NCOR2: variants seen among roughly 807,000 people sequenced by gnomAD.
The protein encoded by NCOR2 is nuclear receptor corepressor 2.
Under a neutral mutation model 262.9 loss-of-function variants are expected in NCOR2, and 81 were observed. The ratio of observed to expected loss-of-function variants is 0.31; its 90% CI spans 0.26 to 0.37. The LOEUF (loss-of-function observed/expected upper bound fraction) is 0.37. Among genes scored for constraint, NCOR2 ranks in the 10% least tolerant of loss-of-function variants. The probability of loss-of-function intolerance (pLI) is 1.00; values close to 1 mark genes in which losing one functional copy is unlikely to be tolerated. For missense variants in NCOR2, 3,385 were observed against 3,621.4 expected (o/e 0.93, Z 1.68); for synonymous variants, 1,659 against 1,559.3 (o/e 1.06, Z -1.51).
At chr12:124,388,965 A>G (rs1018488354) in intron 16 of NCOR2, 1 of 730,264 alleles carries the variant, frequency 1.4e-6, no homozygotes, top group African/African-American at 1.9e-5. Flanking sequence ...GCTCCTCACA[A>G]GTCCGCCTGC....
In NCOR2 at chr12:124,374,547, G is replaced by T. The variant is rs116068010; in HGVS notation, c.2168-84C>A. 6.8e-4 allele frequency: 899 copies of T among 1,330,720 alleles called. 7 individuals carry two copies. The African/African-American group carries it at 0.012, about 17-fold the overall frequency. The allele number at this position is 1,330,720 out of a possible 1,614,324, so 82.4% of individuals were successfully genotyped here. On this transcript the variant is annotated intron_variant, in intron 18 of 46. Coordinates refer to ENST00000405201, the Ensembl canonical transcript of NCOR2. ...GGAGGAGGCAACGTGGCCAAGAGGG[G>T]CCTGAAGCCCAGTGCACAGCAGTGA...
rs61934020 is a variant in NCOR2, at chr12:124,339,717, C to T, written c.5687+289G>A. Among the ~76,000 whole-genome samples, 16 of 56,876 alleles carry T rather than the reference C, an allele frequency of 2.8e-4. 1 individual carries two copies. The highest frequency in any genetic ancestry group is 6.3e-4 in the Admixed American group (3 of 4,768). 37.3% of individuals were successfully genotyped at this position (56,876 alleles called of 152,430 possible). Reference sequence around the variant, plus strand: ...CATCCACCCATCCAACCAGCTAACCCAGCCATCTATCTTTCCACTGACCCA... The same window carrying T: ...CATCCACCCATCCAACCAGCTAACCTAGCCATCTATCTTTCCACTGACCCA... On this transcript the variant is annotated intron_variant, in intron 37 of 46. Coordinates refer to ENST00000405201, the Ensembl canonical transcript of NCOR2.
At chr12:124,340,084 T>C (rs2036325058) in exon 37 of NCOR2, 1 of 1,612,906 alleles carries the variant, frequency 6.2e-7, no homozygotes, top group African/African-American at 1.3e-5. Context: ...ACTGGGTCTC[T>C]GCTGGAGGGC....
chr12:124,496,112 G>T (rs145277061), upstream of NCOR2, among the ~76,000 whole-genome samples: 1 of 152,092 alleles, frequency 6.6e-6, no homozygotes, highest in African/African-American at 2.4e-5. This position sits in a 1 kb window ranked among gnomAD's most constrained non-coding sequence, Gnocchi z 4.4. Flanking sequence ...GGAATAACAC[G>T]AAGCGGGCTA....
rs200579534 is a variant in NCOR2 at position 124,438,559 on chromosome 12, CG to C, written c.816-564del. On this transcript the variant is annotated intron_variant, in intron 7 of 46. Coordinates refer to ENST00000405201, the Ensembl canonical transcript of NCOR2. ...GCATGGACTTCAGGAAACCCCCGGG[CG>C]GGGGCGGTCTCAGACTTCAGGGCAG... Among the ~76,000 whole-genome samples, 29 of 151,394 alleles carry C rather than the reference CG, an allele frequency of 1.9e-4. No homozygotes were observed. The East Asian group carries it at 4.3e-3, about 22-fold the overall frequency.
chr12:124,533,545 C>T (rs941834401), intron 1 of NCOR2, among the ~76,000 whole-genome samples: 14 of 152,080 alleles, frequency 9.2e-5, no homozygotes, highest in African/African-American at 3.4e-4. Context: ...ACCCGCTAAG[C>T]GTCGCACTTA....
chr12:124,397,016 GGGCC>G (rs1483037039), intron 16 of NCOR2, among the ~76,000 whole-genome samples: 3 of 152,314 alleles, frequency 2.0e-5, no homozygotes, highest in Admixed American at 6.5e-5. Context: ...GTGGGGGCCT[GGGCC>G]TGCTCCCAGC....
In NCOR2 at chr12:124,358,870, AACTG is replaced by A. The variant is rs201308845; in HGVS notation, c.3101-2092_3101-2089del. On this transcript the variant is annotated intron_variant, in intron 22 of 46. Transcript: ENST00000405201. ...TTTATTCTCACAGCACCCTACAAGG[AACTG>A]ACTGACTGTCCCCATTTCACAGACG... 2.0e-5 allele frequency among the ~76,000 whole-genome samples: 3 copies of A among 152,340 alleles called. No homozygotes were observed. The East Asian group carries it at 5.8e-4, about 29-fold the overall frequency.
At chr12:124,441,182 C>T (rs911498498) in intron 7 of NCOR2, among the ~76,000 whole-genome samples, 5 of 152,178 alleles carry the variant, frequency 3.3e-5, no homozygotes, top group Admixed American at 6.5e-5. Flanking sequence ...CCGCGCTGCC[C>T]GGGCCATGGC....
chr12:124,332,020 T>G, intron 43 of NCOR2: 1 of 387,708 alleles, frequency 2.6e-6, no homozygotes, highest in East Asian at 5.3e-5. Flanking sequence ...CCGGCCCTTG[T>G]GTGGGAGGGA....
At position 124,457,046 on chromosome 12, in the gene NCOR2, G is replaced by C; in HGVS notation, c.762+60C>G. 1.1e-6 allele frequency: 1 copy of C among 876,236 alleles called. No individual in the cohort carries two copies. The highest frequency in any genetic ancestry group is 1.8e-5 in the South Asian group (1 of 54,462). The allele number at this position is 876,236 out of a possible 1,614,324, so 54.3% of individuals were successfully genotyped here. A position where few individuals can be genotyped will look rare whatever the true frequency, so the allele number is the denominator to read the frequency against. Reference sequence around the variant, plus strand: ...CTCCGCCGCACCCTCCCGCCTCCCTGCCCACCTCTCCAGCCACCCCCGCCC... The same window carrying C: ...CTCCGCCGCACCCTCCCGCCTCCCTCCCCACCTCTCCAGCCACCCCCGCCC... On this transcript the variant is annotated intron_variant, in intron 6 of 46. Coordinates refer to ENST00000405201, the Ensembl canonical transcript of NCOR2. The surrounding 1 kb of genome is among the most constrained non-coding windows in gnomAD (Gnocchi z 4.0).
chr12:124,370,820 AAC>A (rs2039437637), intron 20 of NCOR2, among the ~76,000 whole-genome samples: 1 of 152,042 alleles, frequency 6.6e-6, no homozygotes, highest in Non-Finnish European at 1.5e-5. Context: ...TCAACACCCA[AAC>A]AGGACGACAC....
intron 16 of NCOR2, among the ~76,000 whole-genome samples, chr12:124,392,809 C>T (rs2041402310): frequency 6.6e-6 from 1 of 152,244 alleles, no homozygotes; most frequent in Non-Finnish European, 1.5e-5. Flanking sequence ...CAGGCCAGCC[C>T]ATGTGCACAG....
exon 5 of NCOR2, chr12:124,466,259 G>C: frequency 6.2e-7 from 1 of 1,608,222 alleles, no homozygotes; most frequent in Non-Finnish European, 8.5e-7. Flanking sequence ...GGCTCGGGCG[G>C]CTTGGCAGCC....
At chr12:124,456,999 C>T (rs2045909895) in intron 6 of NCOR2, 107 bp downstream of exon 8, 2 of 982,564 alleles carry the variant, frequency 2.0e-6, no homozygotes, top group South Asian at 2.0e-5. Context: ...CTGGGCAGCG[C>T]TTGGTAATAG....
At position 124,562,699 on chromosome 12, in the gene NCOR2, T is replaced by TC. The variant is rs1177739964; in HGVS notation, c.-165+4608dup. Among the ~76,000 whole-genome samples the TC allele has an allele frequency of 3.3e-5, 5 of 152,240 alleles. No homozygotes were observed. In the East Asian group the frequency reaches 9.7e-4, roughly 29 times the overall value. Reference sequence around the variant, plus strand: ...ACCAACGGGAAAGGAGCCCACCGTCTCCAAAGGGCAACAAGCCGAAGCCTG... The same window carrying TC: ...ACCAACGGGAAAGGAGCCCACCGTCTCCCAAAGGGCAACAAGCCGAAGCCTG... On this transcript the variant is annotated intron_variant, in intron 1 of 32. Coordinates refer to the NCOR2 transcript ENST00000458234.
exon 34 of NCOR2, chr12:124,341,838 C>G: frequency 6.2e-7 from 1 of 1,605,262 alleles, no homozygotes; most frequent in Non-Finnish European, 8.5e-7. Context: ...GGACCCGCAG[C>G]GTAGTTGAGT....
rs192478441 is a variant in NCOR2 at position 124,495,192 on chromosome 12, C to T, written c.60G>A (p.Pro20=). 5.1e-5 allele frequency: 83 copies of T among 1,613,828 alleles called. No individual in the cohort carries two copies. The Middle Eastern group carries it at 6.6e-4, about 13-fold the overall frequency. The change falls in exon 1 of 47, where the codon CCG becomes CCA. Residue 20 remains proline (P), a synonymous_variant. Coordinates refer to ENST00000405201, the Ensembl canonical transcript of NCOR2. This position sits in a 1 kb window ranked among gnomAD's most constrained non-coding sequence, Gnocchi z 4.4. ...GCACTGGGTAGGAAAGGCTGTGGGG[C>T]GGGTAGCGGGGCTCAGTGGCCCTCC...
intron 4 of NCOR2, 85 bp from the exon 7 acceptor site, chr12:124,466,371 T>G (rs1417962488): frequency 7.8e-7 from 1 of 1,282,796 alleles, no homozygotes; most frequent in East Asian, 2.5e-5. Context: ...GGAGGCCCCC[T>G]TGCAGCCCGG....
Sources: allele counts gnomAD v4.1 joint callset (sites outside exome capture counted in the v4.1 genomes callset), GRCh38; gene constraint gnomAD v4.1.1; non-coding constraint Gnocchi (gnomAD v3.1); transcripts MANE v1.5; gene names NCBI Gene and HGNC (gene_info 2026-07-23, HGNC 2026-07-21).